RGPD1: variants seen among roughly 807,000 people sequenced by gnomAD.
RGPD1 encodes the protein RANBP2 like and GRIP domain containing 1.
A neutral mutation model predicts 40.6 loss-of-function variants in RGPD1; 7 were observed. That is an observed-to-expected ratio of 0.17 (90% CI 0.10 to 0.32). The LOEUF (loss-of-function observed/expected upper bound fraction) is 0.32. RGPD1 is among the 10% of genes least tolerant of loss of function. The pLI is 1.00. For synonymous variants in RGPD1, 24 were observed against 167.0 expected, an observed-to-expected ratio of 0.14 and a Z score of 6.60; for missense variants, 50 against 472.5, an observed-to-expected ratio of 0.11 and a Z score of 8.29.
In RGPD1 at chr2:86,915,321, T is replaced by C. The variant is rs138810205; in HGVS notation, c.72+1400T>C. ...AGGGTTAGGCAAGACATTGGCAGAT[T>C]GTAGACAAGAATAACTTTTTCATTT... On this transcript the variant is annotated intron_variant, in intron 1 of 22. Transcript: ENST00000398193. Among the ~76,000 whole-genome samples the C allele has an allele frequency of 6.6e-3, 992 of 150,752 alleles. 31 individuals are homozygous for C. The highest frequency in any genetic ancestry group is 0.023 in the African/African-American group (957 of 41,080).
At chr2:86,920,149 A>G (rs1264984180) in intron 1 of RGPD1, among the ~76,000 whole-genome samples, 1 of 151,862 alleles carries the variant, frequency 6.6e-6, no homozygotes, top group African/African-American at 2.4e-5. Flanking sequence ...GGCTCATTAC[A>G]ACCTCTGCCT....
At chr2:86,939,330 G>C (rs554719055), upstream of RGPD1, among the ~76,000 whole-genome samples, 1 of 148,030 alleles carries the variant, frequency 6.8e-6, no homozygotes, top group East Asian at 1.9e-4. Flanking sequence ...CTGTATCCGA[G>C]CACTTTGGGA....
chr2:86,949,026 T>TA (rs1680455682), intron 1 of RGPD1, among the ~76,000 whole-genome samples: 1 of 126,330 alleles, frequency 7.9e-6, no homozygotes, highest in Admixed American at 8.5e-5. Flanking sequence ...AGTATTGCCT[T>TA]ACGTGGTTTT....
upstream of RGPD1, among the ~76,000 whole-genome samples, chr2:86,941,816 T>C (rs1223166610): frequency 6.6e-6 from 1 of 150,888 alleles, no homozygotes; most frequent in Non-Finnish European, 1.5e-5. Flanking sequence ...TTTCAAGCGA[T>C]TCTCGTGCCT....
chr2:86,913,668 C>A (rs1022893339), upstream of RGPD1: 10 of 1,266,730 alleles, frequency 7.9e-6, no homozygotes, highest in African/African-American at 1.1e-4. Context: ...AGAGCCCGGC[C>A]GAGTGCAGCT....
At chr2:86,949,822 A>G (rs1573620638) in intron 1 of RGPD1, among the ~76,000 whole-genome samples, 1 of 6,612 alleles carries the variant, frequency 1.5e-4, no homozygotes, top group South Asian at 0.014. Context: ...CCCAGGCTGG[A>G]GTGCAGTGGT....
At position 86,960,416 on chromosome 2, in the gene RGPD1, G is replaced by A. The variant is rs1331377695; in HGVS notation, c.779+1989G>A. ...ATTTTTTTGTATTTTTAGTAGAGAC[G>A]GAGTGTCACCCTGTTAGCCAGGATG... is the stretch of plus-strand genomic sequence containing the variant. On this transcript the variant is annotated intron_variant, in intron 6 of 22. Transcript: ENST00000641458. Among the ~76,000 whole-genome samples, 67 of 71,460 alleles carry A rather than the reference G, an allele frequency of 9.4e-4. 5 individuals carry two copies. Among genetic ancestry groups the A allele is most frequent in the Admixed American group, 1.5e-3 (12 of 8,262 alleles). The allele number at this position is 71,460 out of a possible 152,430, so 46.9% of individuals were successfully genotyped here.
At chr2:86,924,486 A>G (rs1678311056) in intron 1 of RGPD1, among the ~76,000 whole-genome samples, 1 of 149,854 alleles carries the variant, frequency 6.7e-6, no homozygotes. Context: ...CTTTTTTAAG[A>G]GACGGGGTGT....
chr2:86,927,216 T>A (rs1323396010), intron 1 of RGPD1, among the ~76,000 whole-genome samples: 5 of 151,076 alleles, frequency 3.3e-5, no homozygotes, highest in Admixed American at 3.3e-4. Flanking sequence ...GTAAATACCT[T>A]TCCTGACTAG....
intron 1 of RGPD1, chr2:86,930,148 G>A: frequency 6.8e-7 from 1 of 1,464,006 alleles, no homozygotes; most frequent in Non-Finnish European, 9.3e-7. Context: ...GGGGGGTGTG[G>A]GGGCAGGGGT....
chr2:86,915,285 G>C (rs1409884660), intron 1 of RGPD1, among the ~76,000 whole-genome samples: 2 of 150,930 alleles, frequency 1.3e-5, no homozygotes, highest in African/African-American at 2.4e-5. Flanking sequence ...GATAGAGTTA[G>C]GGTTAGGGTT....
intron 7 of RGPD1, among the ~76,000 whole-genome samples, chr2:86,963,759 G>T (rs1338977689): frequency 3.2e-5 from 3 of 93,310 alleles, no homozygotes; most frequent in African/African-American, 6.2e-5. Flanking sequence ...TATTTTTTTT[G>T]AGACCAAGTC....
At chr2:86,926,942 T>A (rs1477274816) in intron 1 of RGPD1, among the ~76,000 whole-genome samples, 2 of 152,100 alleles carry the variant, frequency 1.3e-5, no homozygotes, top group Non-Finnish European at 2.9e-5. Flanking sequence ...AGTTTGGAAC[T>A]GTAATGTGTT....
At chr2:86,947,934 TA>T (rs893490598) in intron 1 of RGPD1, among the ~76,000 whole-genome samples, 8 of 93,134 alleles carry the variant, frequency 8.6e-5, no homozygotes, top group South Asian at 4.3e-4. Context: ...CCGTTTGAAT[TA>T]AAAAAAAAGA....
rs534856462 is a variant in RGPD1 at position 86,960,590 on chromosome 2, C to A, written c.779+2163C>A. Among the ~76,000 whole-genome samples, 4 of 130,088 alleles carry A rather than the reference C, an allele frequency of 3.1e-5. No homozygotes were observed. In the East Asian group the frequency reaches 8.2e-4, roughly 27 times the overall value. 85.3% of individuals were successfully genotyped at this position (130,088 alleles called of 152,430 possible). ...TTCATCATGTTGGCCAGGATGGTCT[C>A]GATCTTTTTTTTTTTTTGAGACGGA... is the stretch of plus-strand genomic sequence containing the variant. On this transcript the variant is annotated intron_variant, in intron 6 of 22. Coordinates refer to ENST00000641458, the MANE Select transcript of RGPD1 (RefSeq NM_001382344.1).
At chr2:86,939,483 G>T (rs912762253), upstream of RGPD1, among the ~76,000 whole-genome samples, 6 of 147,492 alleles carry the variant, frequency 4.1e-5, no homozygotes, top group African/African-American at 1.3e-4. Flanking sequence ...GGAGGCTGAG[G>T]CACAAGAATT....
At position 86,930,603 on chromosome 2, in the gene RGPD1, G is replaced by T. The variant is rs1678870236; in HGVS notation, c.72+16682G>T. The T allele has an allele frequency of 3.1e-6, 5 of 1,611,582 alleles. No homozygotes were observed. The East Asian group carries it at 8.9e-5, about 29-fold the overall frequency. On this transcript the variant is annotated intron_variant, in intron 1 of 22. Coordinates refer to the RGPD1 transcript ENST00000398193. ...GAACCACCAGAGCTCATAGTAGTAGGTGCAGCAGCCAGTCTCCCCGCAGCA... is the reference window on the plus strand; with the variant it reads ...GAACCACCAGAGCTCATAGTAGTAGTTGCAGCAGCCAGTCTCCCCGCAGCA...
intron 1 of RGPD1, among the ~76,000 whole-genome samples, chr2:86,944,210 G>T (rs891486956): frequency 6.6e-6 from 1 of 152,068 alleles, no homozygotes; most frequent in African/African-American, 2.4e-5. Flanking sequence ...TTTTGGCAGT[G>T]GGTCTGATTT....
Position 86,943,007 on chromosome 2 carries a change from G to C in RGPD1, c.72+699G>C, listed in dbSNP as rs1430202557. 2.6e-5 allele frequency among the ~76,000 whole-genome samples: 4 copies of C among 151,822 alleles called. No homozygotes were observed. The East Asian group carries it at 7.8e-4, about 30-fold the overall frequency. ...GGCTTGGGCACCCGGGTGCTGTATC[G>C]GCGGGTTTCTTCCCATGTCCTGGAC... On this transcript the variant is annotated intron_variant, in intron 1 of 22. Transcript: ENST00000641458.
Sources: gnomAD v4.1 joint callset for allele counts (sites outside exome capture counted in the v4.1 genomes callset) on GRCh38, gnomAD v4.1.1 for gene constraint, MANE v1.5 for transcripts, NCBI Gene and HGNC (gene_info 2026-07-23, HGNC 2026-07-21) for gene names.